Variants in ANKS1A observed in about 807,000 individuals in gnomAD.
The protein encoded by ANKS1A is ankyrin repeat and sterile alpha motif domain containing 1A, also known as ankyrin repeat and SAM domain-containing protein 1A.
ANKS1A carries 55 observed loss-of-function variants against 120.3 expected under a neutral mutation model. The observed-to-expected ratio is 0.46, with a 90% CI of 0.37 to 0.57. ANKS1A has a LOEUF of 0.57. ANKS1A is among the 20% of genes least tolerant of loss of function. The probability of loss-of-function intolerance (pLI) is 0.00; values close to 1 mark genes in which losing one functional copy is unlikely to be tolerated. For synonymous variants in ANKS1A, 590 were observed against 604.7 expected (o/e 0.98, Z 0.36); for missense variants, 1,123 against 1,480.3 (o/e 0.76, Z 3.96).
chr6:35,062,091 G>A (rs1478883851), intron 13 of ANKS1A, among the ~76,000 whole-genome samples: 1 of 152,256 alleles, frequency 6.6e-6, no homozygotes, highest in Non-Finnish European at 1.5e-5. Flanking sequence ...GGCCTTTGGA[G>A]AAGTGTGGCC....
intron 1 of ANKS1A, among the ~76,000 whole-genome samples, chr6:34,929,781 CCCCCTT>C (rs1302494691): frequency 7.1e-6 from 1 of 141,498 alleles, no homozygotes; most frequent in African/African-American, 2.6e-5. Flanking sequence ...CCCTCCCCCT[CCCCCTT>C]CCCCTTTTCC....
chr6:34,951,869 T>C (rs539680389), intron 1 of ANKS1A, among the ~76,000 whole-genome samples: 1 of 152,300 alleles, frequency 6.6e-6, no homozygotes, highest in African/African-American at 2.4e-5. Context: ...ATTTCCTCCC[T>C]AGAACATCAC....
chr6:34,986,351 T>A (rs1772201510), intron 8 of ANKS1A, among the ~76,000 whole-genome samples: 1 of 152,068 alleles, frequency 6.6e-6, no homozygotes, highest in East Asian at 1.9e-4. Context: ...ATGTTGGGAG[T>A]GTAGGCCCGA....
intron 13 of ANKS1A, among the ~76,000 whole-genome samples, chr6:35,069,550 T>C (rs574680008): frequency 3.2e-4 from 48 of 152,000 alleles, no homozygotes; most frequent in Non-Finnish European, 5.6e-4. Flanking sequence ...CAATAATTTT[T>C]TTTCTTTTAA....
intron 9 of ANKS1A, among the ~76,000 whole-genome samples, chr6:34,991,541 T>TATACACACAC (rs1228386866): frequency 7.2e-6 from 1 of 138,484 alleles, no homozygotes; most frequent in African/African-American, 2.8e-5. Context: ...AAAAAATATA[T>TATACACACAC]ACACACACAC....
chr6:35,023,019 G>A (rs1381450092), intron 11 of ANKS1A, among the ~76,000 whole-genome samples: 3 of 152,134 alleles, frequency 2.0e-5, no homozygotes, highest in Non-Finnish European at 4.4e-5. Flanking sequence ...TGCCCTTCAG[G>A]TCCAGTTCCT....
At chr6:34,936,634 C>T (rs555548339) in intron 1 of ANKS1A, among the ~76,000 whole-genome samples, 1 of 152,276 alleles carries the variant, frequency 6.6e-6, no homozygotes, top group South Asian at 2.1e-4. Flanking sequence ...TTTTTAAACA[C>T]ACCCTGGGTT....
intron 1 of ANKS1A, among the ~76,000 whole-genome samples, chr6:34,894,218 A>C (rs1242969681): frequency 6.6e-6 from 1 of 152,214 alleles, no homozygotes; most frequent in East Asian, 1.9e-4. Context: ...CTCATGTAAC[A>C]AGACAGTTTG....
chr6:34,965,092 G>A (rs1182655330), intron 1 of ANKS1A, among the ~76,000 whole-genome samples: 4 of 152,112 alleles, frequency 2.6e-5, no homozygotes, highest in Admixed American at 2.6e-4. Flanking sequence ...TGTAGGGTGG[G>A]ATATCTTTTC....
At chr6:34,965,630 T>C (rs1260745462) in intron 1 of ANKS1A, among the ~76,000 whole-genome samples, 1 of 152,146 alleles carries the variant, frequency 6.6e-6, no homozygotes, top group East Asian at 1.9e-4. Context: ...GGATTACAGG[T>C]GTGAGCCACC....
chr6:35,065,744 C>G (rs999504777), intron 13 of ANKS1A, among the ~76,000 whole-genome samples: 2 of 152,244 alleles, frequency 1.3e-5, no homozygotes, highest in African/African-American at 4.8e-5. Flanking sequence ...CACCCCTGGG[C>G]TGGTCCAGGT....
Position 34,924,602 on chromosome 6 carries a change from A to T in ANKS1A, c.197+35003A>T, listed in dbSNP as rs1300360173. The stretch of plus-strand genomic sequence containing the variant: ...TCGGTGACTCCTGCCATTTCAAGAA[A>T]ATCTGTCTGAAATGACAAAGGACCT... On this transcript the variant is annotated intron_variant, in intron 1 of 23. Coordinates refer to ENST00000360359, the MANE Select transcript of ANKS1A (RefSeq NM_015245.3). Among the ~76,000 whole-genome samples the T allele has an allele frequency of 3.3e-5, 5 of 152,148 alleles. No homozygotes were observed. In the East Asian group the frequency reaches 9.6e-4, roughly 29 times the overall value.
Position 35,020,770 on chromosome 6 carries a change from G to A in ANKS1A, c.2010+2711G>A, listed in dbSNP as rs960977903. 3.3e-5 allele frequency among the ~76,000 whole-genome samples: 5 copies of A among 152,154 alleles called. No homozygotes were observed. The East Asian group carries it at 7.7e-4, about 23-fold the overall frequency. ...TCGTAAGCCAGTGTCTCTTTGCATCGAGAGGAGTTTCATTTGCTGATATCA... is the reference window on the plus strand; with the variant it reads ...TCGTAAGCCAGTGTCTCTTTGCATCAAGAGGAGTTTCATTTGCTGATATCA... On this transcript the variant is annotated intron_variant, in intron 11 of 23. Transcript: ENST00000360359.
intron 3 of ANKS1A, among the ~76,000 whole-genome samples, chr6:34,978,757 A>G (rs1771741531): frequency 6.9e-6 from 1 of 145,970 alleles, no homozygotes; most frequent in Admixed American, 6.9e-5. Flanking sequence ...GTGAGCCGAG[A>G]TCATGCCATT....
intron 1 of ANKS1A, among the ~76,000 whole-genome samples, chr6:34,917,960 C>G (rs757764557): frequency 1.3e-5 from 2 of 152,294 alleles, no homozygotes; most frequent in Admixed American, 6.5e-5. Context: ...TCCTAAAGAG[C>G]CTTACTCAAC....
intron 1 of ANKS1A, among the ~76,000 whole-genome samples, chr6:34,917,114 C>G (rs1768203085): frequency 6.6e-6 from 1 of 152,186 alleles, no homozygotes; most frequent in African/African-American, 2.4e-5. Flanking sequence ...TTTGGTCCAC[C>G]ACTAATCCTA....
At chr6:34,917,685 C>T (rs2127462560) in intron 1 of ANKS1A, among the ~76,000 whole-genome samples, 1 of 152,336 alleles carries the variant, frequency 6.6e-6, no homozygotes, top group East Asian at 1.9e-4. Context: ...AACTGACTGC[C>T]ACTGCTCCAT....
At chr6:35,083,025 T>C in intron 18 of ANKS1A, 130 bp from the exon 19 acceptor site, 1 of 1,291,266 alleles carries the variant, frequency 7.7e-7, no homozygotes, top group Non-Finnish European at 1.1e-6. Context: ...TCTCTCCAGC[T>C]GGGGCAGGAG....
intron 3 of ANKS1A, among the ~76,000 whole-genome samples, chr6:34,971,544 A>T (rs537659049): frequency 4.7e-4 from 72 of 152,136 alleles, no homozygotes; most frequent in Non-Finnish European, 8.7e-4. Flanking sequence ...CTCAGTTCCT[A>T]GAAGGAGGGA....
Sources: allele counts gnomAD v4.1 joint callset (sites outside exome capture counted in the v4.1 genomes callset), GRCh38; gene constraint gnomAD v4.1.1; transcripts MANE v1.5; gene names NCBI Gene and HGNC (gene_info 2026-07-23, HGNC 2026-07-21).